Variants in TENM3 observed in about 807,000 individuals in gnomAD.
TENM3 encodes teneurin-3.
In TENM3, 63 loss-of-function variants were observed where a neutral mutation model predicts 255.1. The ratio of observed to expected loss-of-function variants is 0.25; its 90% CI spans 0.20 to 0.30. TENM3 has a LOEUF of 0.30. TENM3 is among the 10% of genes least tolerant of loss of function. TENM3 has a pLI of 1.00. For missense variants in TENM3, 2,929 were observed against 3,461.1 expected (o/e 0.85, Z 3.86); for synonymous variants, 1,306 against 1,322.3 (o/e 0.99, Z 0.27).
chr4:182,667,449 A>G (rs993536050), intron 6 of TENM3, among the ~76,000 whole-genome samples: 1 of 152,164 alleles, frequency 6.6e-6, no homozygotes, highest in African/African-American at 2.4e-5. Flanking sequence ...TCAGTCTCCC[A>G]AAGTGCTGGG....
the TENM3 span, among the ~76,000 whole-genome samples, chr4:181,648,338 A>G: frequency 6.4e-3 from 980 of 152,294 alleles, 5 homozygotes; most frequent in African/African-American, 0.021. Context: ...TTTCCTAAAA[A>G]GGGTTTCCCC....
intron 3 of TENM3, 64 bp downstream of exon 3, chr4:182,346,993 C>T: frequency 9.6e-7 from 1 of 1,045,614 alleles, no homozygotes; most frequent in Non-Finnish European, 1.2e-6. Context: ...TGGTTGACTC[C>T]GCGGGGGGGG....
At chr4:182,339,301 G>T (rs965203771) in intron 2 of TENM3, among the ~76,000 whole-genome samples, 2 of 152,162 alleles carry the variant, frequency 1.3e-5, no homozygotes, top group African/African-American at 4.8e-5. Flanking sequence ...AAATGTCAGC[G>T]GCAGGATTAA....
intron 3 of TENM3, among the ~76,000 whole-genome samples, chr4:182,457,344 C>A (rs899651718): frequency 5.3e-5 from 8 of 152,096 alleles, no homozygotes; most frequent in Non-Finnish European, 1.2e-4. Context: ...GAAGCCAAGG[C>A]CTAATAATAG....
At chr4:182,438,461 T>C (rs1047428822) in intron 3 of TENM3, among the ~76,000 whole-genome samples, 2 of 152,236 alleles carry the variant, frequency 1.3e-5, no homozygotes, top group African/African-American at 4.8e-5. Context: ...TTTTATGGCA[T>C]AGATGCCCAG....
chr4:181,709,059 C>T, the TENM3 span, among the ~76,000 whole-genome samples: 1 of 152,162 alleles, frequency 6.6e-6, no homozygotes, highest in African/African-American at 2.4e-5. Context: ...ATAATACTTA[C>T]AAAAGCTGTG....
At chr4:181,491,654 C>T in the TENM3 span, among the ~76,000 whole-genome samples, 1 of 152,036 alleles carries the variant, frequency 6.6e-6, no homozygotes, top group Admixed American at 6.6e-5. Context: ...CAATTAATCA[C>T]TTTTGAATGA....
At chr4:182,474,860 C>T (rs1733514084) in intron 3 of TENM3, among the ~76,000 whole-genome samples, 1 of 151,956 alleles carries the variant, frequency 6.6e-6, no homozygotes, top group African/African-American at 2.4e-5. Context: ...TTTATGTGTG[C>T]CTCTAGCTTT....
intron 16 of TENM3, among the ~76,000 whole-genome samples, chr4:182,732,073 A>T (rs78293418): frequency 4.3e-4 from 65 of 152,014 alleles, no homozygotes; most frequent in South Asian, 8.3e-4. Context: ...GAGCCACCGC[A>T]CCCGGCCTTT....
At chr4:182,291,803 G>C (rs1217713745) in intron 1 of TENM3, among the ~76,000 whole-genome samples, 1 of 152,116 alleles carries the variant, frequency 6.6e-6, no homozygotes, top group African/African-American at 2.4e-5. Flanking sequence ...ACCCACACAG[G>C]ACAGCCCAGT....
At chr4:182,216,623 A>G (rs1440483039) in intron 1 of TENM3, among the ~76,000 whole-genome samples, 1 of 152,254 alleles carries the variant, frequency 6.6e-6, no homozygotes, top group African/African-American at 2.4e-5. Context: ...TTTGGAAGCA[A>G]GCAATATACA....
Position 182,346,889 on chromosome 4 carries a change from G to A in TENM3, c.471G>A (p.Leu157=), listed in dbSNP as rs1292464949. ...LSSRSNSALT[L]TDTEHENKSD... is the part of the protein sequence containing the mutation. ...GTCGGTCCAACTCAGCCCTCACCCT[G>A]ACAGATACGGAGCACGAAAACAAGT... The change falls in exon 3 of 28, where the codon CTG becomes CTA. Residue 157 remains leucine (L), a synonymous_variant. Transcript: ENST00000511685. The A allele has an allele frequency of 1.2e-6, 2 of 1,612,958 alleles. No homozygotes were observed. The highest frequency in any genetic ancestry group is 2.2e-5 in the South Asian group (2 of 90,918).
chr4:182,748,436 A>T (rs10031879), intron 19 of TENM3, among the ~76,000 whole-genome samples: 30,120 of 152,034 alleles, frequency 0.2, 3,461 homozygotes, highest in Non-Finnish European at 0.26. Flanking sequence ...TGACCTAAAA[A>T]TTCACCACTC....
chr4:181,598,369 C>T, the TENM3 span, among the ~76,000 whole-genome samples: 1 of 152,122 alleles, frequency 6.6e-6, no homozygotes, highest in African/African-American at 2.4e-5. Context: ...TCTATCCTTC[C>T]CACAACAGTG....
chr4:182,051,012 C>T, the TENM3 span, among the ~76,000 whole-genome samples: 105,995 of 151,818 alleles, frequency 0.7, 40,008 homozygotes, highest in East Asian at 0.91. Context: ...ATTAATGTGG[C>T]AGAAAAATAT....
At chr4:182,438,919 T>C (rs1297577261) in intron 3 of TENM3, among the ~76,000 whole-genome samples, 1 of 152,240 alleles carries the variant, frequency 6.6e-6, no homozygotes, top group East Asian at 1.9e-4. Context: ...TACATATTTT[T>C]ACAGTGGTTT....
intron 3 of TENM3, among the ~76,000 whole-genome samples, chr4:182,367,264 G>A (rs1212364410): frequency 3.3e-5 from 5 of 152,196 alleles, no homozygotes. Context: ...TGGTAGCATT[G>A]TAAGGAGGCC....
At chr4:182,504,967 G>A (rs1034526863) in intron 3 of TENM3, among the ~76,000 whole-genome samples, 5 of 152,176 alleles carry the variant, frequency 3.3e-5, no homozygotes, top group Non-Finnish European at 7.3e-5. Flanking sequence ...TATTGGGAGG[G>A]TGATCTTATT....
chr4:182,747,895 GTTTTAC>G (rs2152743208), intron 19 of TENM3, among the ~76,000 whole-genome samples: 1 of 152,246 alleles, frequency 6.6e-6, no homozygotes, highest in East Asian at 1.9e-4. Flanking sequence ...AAAAGAAGCT[GTTTTAC>G]TTTTATATGT....
Sources: gnomAD v4.1 joint callset for allele counts (sites outside exome capture counted in the v4.1 genomes callset) on GRCh38, gnomAD v4.1.1 for gene constraint, MANE v1.5 for transcripts, NCBI Gene and HGNC (gene_info 2026-07-23, HGNC 2026-07-21) for gene names.